Variants in ME3 observed in about 807,000 individuals in gnomAD.
The protein encoded by ME3 is NADP-dependent malic enzyme, mitochondrial.
ME3 carries 48 observed loss-of-function variants against 68.9 expected under a neutral mutation model. The ratio of observed to expected loss-of-function variants is 0.70; its 90% CI spans 0.55 to 0.89. The LOEUF (loss-of-function observed/expected upper bound fraction) is 0.89. Among genes scored for constraint, ME3 ranks in the 40% least tolerant of loss-of-function variants. The pLI, the probability that ME3 is intolerant of heterozygous loss-of-function variation, is 0.00. For missense variants in ME3, 675 were observed against 797.4 expected, an observed-to-expected ratio of 0.85 and a Z score of 1.85; for synonymous variants, 320 against 318.8, an observed-to-expected ratio of 1.00 and a Z score of -0.04.
At chr11:86,641,749 G>T (rs1021917294) in intron 2 of ME3, among the ~76,000 whole-genome samples, 1 of 152,186 alleles carries the variant, frequency 6.6e-6, no homozygotes, top group African/African-American at 2.4e-5. Context: ...TATGATGTCT[G>T]TAGCATCATG....
At chr11:86,602,502 T>A (rs1960871247) in intron 2 of ME3, among the ~76,000 whole-genome samples, 1 of 152,064 alleles carries the variant, frequency 6.6e-6, no homozygotes, top group African/African-American at 2.4e-5. Context: ...GTAGGAAGAA[T>A]CAATATCGTG....
intron 2 of ME3, among the ~76,000 whole-genome samples, chr11:86,613,549 T>A (rs903411282): frequency 6.6e-6 from 1 of 152,198 alleles, no homozygotes; most frequent in Non-Finnish European, 1.5e-5. Context: ...GCAGATGACA[T>A]GATTTTATAT....
intron 8 of ME3, chr11:86,462,591 G>T: frequency 1.6e-6 from 2 of 1,287,128 alleles, no homozygotes; most frequent in Admixed American, 4.6e-5. Flanking sequence ...TGCTTATGAG[G>T]ATGTCAGTTT....
intron 4 of ME3, among the ~76,000 whole-genome samples, chr11:86,511,057 T>C (rs1953485608): frequency 6.6e-6 from 1 of 152,222 alleles, no homozygotes; most frequent in Non-Finnish European, 1.5e-5. Flanking sequence ...TCTTCATTTG[T>C]ACTTTCTAAA....
chr11:86,522,154 G>T (rs1358304563), intron 4 of ME3, among the ~76,000 whole-genome samples: 1 of 152,156 alleles, frequency 6.6e-6, no homozygotes, highest in Non-Finnish European at 1.5e-5. Flanking sequence ...GGAGGCTGAG[G>T]TAGGAGAATT....
intron 6 of ME3, among the ~76,000 whole-genome samples, chr11:86,493,148 C>G (rs141403292): frequency 6.6e-6 from 1 of 152,154 alleles, no homozygotes; most frequent in Non-Finnish European, 1.5e-5. Context: ...AGAAGAAACC[C>G]TGCAATACCC....
chr11:86,521,369 T>G lies in ME3; in HGVS notation c.468-12502A>C, dbSNP rs535093213. On this transcript the variant is annotated intron_variant, in intron 4 of 14. Transcript: ENST00000543262. ...GAGACTGCGCCACTGCACTCCAGCC[T>G]GGGCGACAGAGCGAGACTCCATCTC... Among the ~76,000 whole-genome samples, 5 of 149,722 alleles carry G rather than the reference T, an allele frequency of 3.3e-5. No homozygotes were observed. The East Asian group carries it at 9.7e-4, about 29-fold the overall frequency.
intron 2 of ME3, among the ~76,000 whole-genome samples, chr11:86,566,404 A>C (rs1957481907): frequency 6.6e-6 from 1 of 152,202 alleles, no homozygotes; most frequent in African/African-American, 2.4e-5. Context: ...TCACAAAGGT[A>C]GGGAGCATCA....
chr11:86,481,492 G>A (rs922358494), intron 7 of ME3, among the ~76,000 whole-genome samples: 2 of 152,166 alleles, frequency 1.3e-5, no homozygotes, highest in African/African-American at 4.8e-5. Flanking sequence ...AAGTTTCCTT[G>A]ATGACTCAGA....
chr11:86,491,989 A>T (rs961605489), intron 6 of ME3, among the ~76,000 whole-genome samples: 1 of 152,192 alleles, frequency 6.6e-6, no homozygotes, highest in Non-Finnish European at 1.5e-5. Context: ...AACGTGCCGC[A>T]GGGGAAAGGA....
chr11:86,568,218 T>TA (rs1245420467), intron 2 of ME3, among the ~76,000 whole-genome samples: 1 of 152,186 alleles, frequency 6.6e-6, no homozygotes, highest in African/African-American at 2.4e-5. Flanking sequence ...TGACTATTGT[T>TA]ACTAGTTTTG....
chr11:86,515,025 C>T (rs1953795044), intron 4 of ME3, among the ~76,000 whole-genome samples: 1 of 152,030 alleles, frequency 6.6e-6, no homozygotes, highest in Non-Finnish European at 1.5e-5. Flanking sequence ...TTGTCAGGAG[C>T]CATGATGAAT....
intron 2 of ME3, among the ~76,000 whole-genome samples, chr11:86,585,758 G>A (rs1213172918): frequency 6.6e-6 from 1 of 152,144 alleles, no homozygotes; most frequent in Non-Finnish European, 1.5e-5. Context: ...ACTCTATGGA[G>A]AGAGCTTAGA....
At chr11:86,534,081 GTATATATATATATA>G (rs57566563) in intron 4 of ME3, among the ~76,000 whole-genome samples, 1 of 127,506 alleles carries the variant, frequency 7.8e-6, no homozygotes, top group African/African-American at 3.2e-5. Flanking sequence ...GTGTGTGTGT[GTATATATATATATA>G]TATATATATA....
intron 2 of ME3, among the ~76,000 whole-genome samples, chr11:86,596,670 G>A (rs1362250580): frequency 6.6e-6 from 1 of 152,136 alleles, no homozygotes; most frequent in African/African-American, 2.4e-5. Flanking sequence ...GATCACCTAG[G>A]CTACCTCTTT....
In ME3 at chr11:86,564,547, A is replaced by G. The variant is rs555270063; in HGVS notation, c.184-4724T>C. Among the ~76,000 whole-genome samples the G allele has an allele frequency of 9.9e-5, 15 of 152,138 alleles. No individual in the cohort carries two copies. In the South Asian group the frequency reaches 2.5e-3, roughly 25 times the overall value. Reference sequence around the variant, plus strand: ...GAATAAAGAGTTCGTAAATAAACTCATACATCTATGGCAAATTGATTTTTG... The same window carrying G: ...GAATAAAGAGTTCGTAAATAAACTCGTACATCTATGGCAAATTGATTTTTG... On this transcript the variant is annotated intron_variant, in intron 2 of 14. Transcript: ENST00000543262.
At chr11:86,591,225 C>G (rs113167637) in intron 2 of ME3, among the ~76,000 whole-genome samples, 126 of 151,938 alleles carry the variant, frequency 8.3e-4, no homozygotes, top group African/African-American at 2.8e-3. Context: ...TGACATCAGC[C>G]CTTAGAGTTT....
rs1951770253 is a variant in ME3, at chr11:86,487,577, C to G, written c.706-137G>C. 4.5e-6 allele frequency: 3 copies of G among 665,786 alleles called. 1 individual carries two copies. In the South Asian group the frequency reaches 5.6e-5, roughly 12 times the overall value. The allele number at this position is 665,786 out of a possible 1,614,324, so 41.2% of individuals were successfully genotyped here. ...GGAGTAAGAAGGTAACTGGATCCCCCCCGCCCAGGTGTCATTTCTGAAAGG... is the reference window on the plus strand; with the variant it reads ...GGAGTAAGAAGGTAACTGGATCCCCGCCGCCCAGGTGTCATTTCTGAAAGG... On this transcript the variant is annotated intron_variant, in intron 6 of 14. Coordinates refer to ENST00000543262, the Ensembl canonical transcript of ME3.
rs1465647478 is a variant in ME3, at chr11:86,521,713, T to C, written c.468-12846A>G. Among the ~76,000 whole-genome samples the C allele has an allele frequency of 3.3e-5, 5 of 152,206 alleles. No homozygotes were observed. The East Asian group carries it at 9.6e-4, about 29-fold the overall frequency. ...AATTATTAACACAATTATTTATTTT[T>C]CTTTTCACTCTCAAAAACTCACTGA... is the stretch of plus-strand genomic sequence containing the variant. On this transcript the variant is annotated intron_variant, in intron 4 of 14. Transcript: ENST00000543262.
Sources: gnomAD v4.1 joint callset for allele counts (sites outside exome capture counted in the v4.1 genomes callset) on GRCh38, gnomAD v4.1.1 for gene constraint, MANE v1.5 for transcripts, NCBI Gene and HGNC (gene_info 2026-07-23, HGNC 2026-07-21) for gene names.